Variants in TGFBR3 observed in about 807,000 individuals in gnomAD.
TGFBR3 encodes transforming growth factor beta receptor type 3.
A neutral mutation model predicts 87.9 loss-of-function variants in TGFBR3; 46 were observed. The observed-to-expected ratio is 0.52, with a 90% CI of 0.41 to 0.67. TGFBR3 has a LOEUF of 0.67. Among genes scored for constraint, TGFBR3 ranks in the 30% least tolerant of loss-of-function variants. The pLI is 0.00. For synonymous variants in TGFBR3, 381 were observed against 391.6 expected (o/e 0.97, Z 0.32); for missense variants, 866 against 1,041.9 (o/e 0.83, Z 2.32).
At chr1:91,827,232 C>T (rs1236754652) in intron 2 of TGFBR3, among the ~76,000 whole-genome samples, 2 of 152,108 alleles carry the variant, frequency 1.3e-5, no homozygotes, top group African/African-American at 2.4e-5. Flanking sequence ...GCTGTAGCAA[C>T]GATCACAACA....
chr1:91,892,869 C>T (rs1679478657), intron 2 of TGFBR3, among the ~76,000 whole-genome samples: 1 of 152,140 alleles, frequency 6.6e-6, no homozygotes, highest in Non-Finnish European at 1.5e-5. Flanking sequence ...GGTATTTCAT[C>T]CAAAAAGTTC....
chr1:91,743,532 A>T (rs1376414975), intron 4 of TGFBR3, among the ~76,000 whole-genome samples: 2 of 152,142 alleles, frequency 1.3e-5, no homozygotes, highest in Non-Finnish European at 2.9e-5. Flanking sequence ...TTTACATTTT[A>T]TTTCTACAGT....
chr1:91,824,784 A>AC (rs975856180), intron 2 of TGFBR3, among the ~76,000 whole-genome samples: 4 of 151,960 alleles, frequency 2.6e-5, no homozygotes, highest in African/African-American at 9.7e-5. Flanking sequence ...AGATGATGAA[A>AC]CCCCATCTCT....
chr1:91,708,295 G>A (rs1054804190), intron 14 of TGFBR3, among the ~76,000 whole-genome samples: 2 of 152,152 alleles, frequency 1.3e-5, no homozygotes, highest in African/African-American at 2.4e-5. Flanking sequence ...TTTAGCAGTA[G>A]ATCACAGAAA....
At chr1:91,691,993 G>A (rs145885259) in intron 16 of TGFBR3, among the ~76,000 whole-genome samples, 2,767 of 151,864 alleles carry the variant, frequency 0.018, 79 homozygotes, top group African/African-American at 0.063. Flanking sequence ...GCGAGACTCC[G>A]TCTCAAAACA....
chr1:91,904,048 G>C (rs140438237), intron 1 of TGFBR3, among the ~76,000 whole-genome samples: 1 of 152,132 alleles, frequency 6.6e-6, no homozygotes, highest in East Asian at 1.9e-4. Context: ...CTGGTGGCGC[G>C]TTCCTATAAT....
chr1:91,887,317 T>C (rs1283395173), upstream of TGFBR3, among the ~76,000 whole-genome samples: 4 of 132,588 alleles, frequency 3.0e-5, no homozygotes, highest in African/African-American at 5.6e-5. Flanking sequence ...ACAATCTCAA[T>C]CTCAGCTCGC....
Position 91,687,765 on chromosome 1 carries a change from A to G in TGFBR3, c.2438-3908T>C, listed in dbSNP as rs1242956233. On this transcript the variant is annotated intron_variant, in intron 16 of 16. Transcript: ENST00000212355. Reference sequence around the variant, plus strand: ...TCAGATAGAAAAGAACTTGCTGATTATGAGGATTGGTTAGTTATAGAGGGA... The same window carrying G: ...TCAGATAGAAAAGAACTTGCTGATTGTGAGGATTGGTTAGTTATAGAGGGA... Among the ~76,000 whole-genome samples, 3 of 152,330 alleles carry G rather than the reference A, an allele frequency of 2.0e-5. No individual in the cohort carries two copies. The East Asian group carries it at 5.8e-4, about 29-fold the overall frequency.
At chr1:91,727,510 A>T in intron 7 of TGFBR3, 149 bp downstream of exon 7, 1 of 967,934 alleles carries the variant, frequency 1.0e-6, no homozygotes, top group Non-Finnish European at 1.5e-6. Flanking sequence ...CCTATTTTAT[A>T]GGAGCATGCT....
chr1:91,783,825 TA>T (rs1674861776), intron 3 of TGFBR3, among the ~76,000 whole-genome samples: 3 of 152,158 alleles, frequency 2.0e-5, no homozygotes, highest in Admixed American at 2.0e-4. Context: ...AGTTATAAGG[TA>T]TTTAATAATA....
At position 91,829,221 on chromosome 1, in the gene TGFBR3, C is replaced by T. The variant is rs1461205167; in HGVS notation, c.62-31750G>A. Among the ~76,000 whole-genome samples, 3 of 152,012 alleles carry T rather than the reference C, an allele frequency of 2.0e-5. No homozygotes were observed. In the East Asian group the frequency reaches 5.8e-4, roughly 29 times the overall value. ...TGAAACCCCGTCTCTTCTAAAAATA[C>T]AAATATTAGCCAGGTGTGGTGGCAC... On this transcript the variant is annotated intron_variant, in intron 2 of 16. Coordinates refer to ENST00000212355, the MANE Select transcript of TGFBR3 (RefSeq NM_003243.5).
chr1:91,794,225 A>G (rs1280414302), intron 3 of TGFBR3, among the ~76,000 whole-genome samples: 1 of 151,220 alleles, frequency 6.6e-6, no homozygotes, highest in African/African-American at 2.4e-5. Context: ...TGTTGTTGAG[A>G]TGGAGTCTCA....
intron 2 of TGFBR3, among the ~76,000 whole-genome samples, chr1:91,857,569 CT>C (rs1282132469): frequency 6.6e-6 from 1 of 152,166 alleles, no homozygotes; most frequent in Non-Finnish European, 1.5e-5. Flanking sequence ...TTTTACTTGG[CT>C]TTCACTACAC....
At chr1:91,816,202 G>C (rs1412064699) in intron 2 of TGFBR3, among the ~76,000 whole-genome samples, 1 of 151,960 alleles carries the variant, frequency 6.6e-6, no homozygotes, top group Admixed American at 6.6e-5. Context: ...ACAACAGATT[G>C]GTCACTTAGT....
intron 15 of TGFBR3, among the ~76,000 whole-genome samples, chr1:91,697,602 C>A (rs922763291): frequency 6.6e-6 from 1 of 152,210 alleles, no homozygotes; most frequent in Non-Finnish European, 1.5e-5. Context: ...GTGTTGCTTT[C>A]TCTTTCATTC....
upstream of TGFBR3, among the ~76,000 whole-genome samples, chr1:91,889,879 C>T (rs2101327576): frequency 6.6e-6 from 1 of 151,570 alleles, no homozygotes; most frequent in East Asian, 1.9e-4. Context: ...CAGGGTTTTG[C>T]CATAACTCCT....
intron 1 of TGFBR3, among the ~76,000 whole-genome samples, chr1:91,877,339 G>A (rs1678846089): frequency 6.6e-6 from 1 of 151,818 alleles, no homozygotes; most frequent in Non-Finnish European, 1.5e-5. Context: ...TGTGTGTGGT[G>A]GGGGTAGGGA....
chr1:91,802,854 G>T (rs999179334), intron 2 of TGFBR3, among the ~76,000 whole-genome samples: 3 of 151,970 alleles, frequency 2.0e-5, no homozygotes, highest in Admixed American at 2.0e-4. Context: ...CAACCTGGGG[G>T]AGGTGCCCCA....
chr1:91,753,390 CAAAAAAAAAAAAAAAAAA>C (rs71586711), intron 4 of TGFBR3, among the ~76,000 whole-genome samples: 3 of 52,354 alleles, frequency 5.7e-5, no homozygotes, highest in African/African-American at 2.7e-4. Flanking sequence ...ACTCTGTCCT[CAAAAAAAAAAAAAAAAAA>C]AAAAAAAAAA....
Sources: gnomAD v4.1 joint callset for allele counts (sites outside exome capture counted in the v4.1 genomes callset) on GRCh38, gnomAD v4.1.1 for gene constraint, MANE v1.5 for transcripts, NCBI Gene and HGNC (gene_info 2026-07-23, HGNC 2026-07-21) for gene names.